The following CACNA1G variants were observed in gnomAD, a reference collection of about 807,000 sequenced individuals.
The protein encoded by CACNA1G is voltage-dependent T-type calcium channel subunit alpha-1G.
In CACNA1G, 67 loss-of-function variants were observed where a neutral mutation model predicts 219.4. The observed-to-expected ratio is 0.31, with a 90% CI of 0.25 to 0.37. The LOEUF (loss-of-function observed/expected upper bound fraction) is 0.37. CACNA1G is among the 10% of genes least tolerant of loss of function. The probability of loss-of-function intolerance (pLI) is 1.00; values close to 1 mark genes in which losing one functional copy is unlikely to be tolerated. For missense variants in CACNA1G, 2,380 were observed against 3,231.4 expected (o/e 0.74, Z 6.39); for synonymous variants, 1,296 against 1,345.3 (o/e 0.96, Z 0.80).
At chr17:50,589,894 T>TTCTCTC (rs35679930) in intron 9 of CACNA1G, among the ~76,000 whole-genome samples, 5 of 138,834 alleles carry the variant, frequency 3.6e-5, no homozygotes, top group African/African-American at 8.5e-5. Context: ...GCGTGCATTT[T>TTCTCTC]TCTCTCTCTC....
chr17:50,606,372 A>G, intron 23 of CACNA1G: 1 of 595,272 alleles, frequency 1.7e-6, no homozygotes, highest in Non-Finnish European at 3.0e-6. Flanking sequence ...TCCTGACCCC[A>G]CCATTGTCAG....
At chr17:50,594,884 T>A in intron 13 of CACNA1G, 109 bp from the exon 14 acceptor site, 1 of 732,954 alleles carries the variant, frequency 1.4e-6, no homozygotes, top group Non-Finnish European at 2.3e-6. Flanking sequence ...TCCCCTGCTG[T>A]GGGGTTTGCG....
intron 24 of CACNA1G, chr17:50,607,341 C>CA: frequency 2.7e-6 from 1 of 371,946 alleles, no homozygotes; most frequent in Non-Finnish European, 5.2e-6. Flanking sequence ...CCCAGCTCTA[C>CA]AAAAAATAAA....
At chr17:50,608,095 G>A in intron 25 of CACNA1G, 76 bp downstream of exon 25, 3 of 1,382,792 alleles carry the variant, frequency 2.2e-6, no homozygotes, top group Non-Finnish European at 2.0e-6. Flanking sequence ...CCTTGCGACT[G>A]CAGGGGGCTG....
rs771453745 is a variant in CACNA1G, at chr17:50,601,081, C to T, written c.3822C>T (p.Thr1274=). Residue 1274 remains threonine, a synonymous_variant, in exon 19 of 38, where the codon ACC becomes ACT. Coordinates refer to ENST00000359106, the MANE Select transcript of CACNA1G (RefSeq NM_018896.5). ...RFRLLCHRII[T]HKMFDHVVLV... ...GCCTCCTGTGTCACCGGATCATCAC[C>T]CACAAGATGTTCGACCACGTGGTCC... 14 of 1,613,800 alleles carry T rather than the reference C, an allele frequency of 8.7e-6. No homozygotes were observed. In the Admixed American group the frequency reaches 1.3e-4, roughly 15 times the overall value.
At chr17:50,620,326 A>G (rs1186257990) in intron 34 of CACNA1G, among the ~76,000 whole-genome samples, 1 of 152,218 alleles carries the variant, frequency 6.6e-6, no homozygotes, top group African/African-American at 2.4e-5. Context: ...CCCACTGGGC[A>G]TGGTGAGTGC....
intron 24 of CACNA1G, 186 bp downstream of exon 24, chr17:50,607,175 T>G: frequency 1.5e-6 from 1 of 663,490 alleles, no homozygotes; most frequent in Non-Finnish European, 2.8e-6. Flanking sequence ...ACAACATGTT[T>G]AACATGTTTT....
In CACNA1G at chr17:50,576,097, A is replaced by G. The variant is rs766934260; in HGVS notation, c.1695A>G (p.Pro565=). 1.7e-5 allele frequency: 27 copies of G among 1,593,028 alleles called. No individual in the cohort carries two copies. In the Admixed American group the frequency reaches 4.2e-4, roughly 25 times the overall value. The change falls in exon 8 of 38, where the codon CCA becomes CCG. Residue 565 remains proline (P), a synonymous_variant. Coordinates refer to ENST00000359106, the MANE Select transcript of CACNA1G (RefSeq NM_018896.5). ...SFYHADCHLE[P]VRCQAPPPRS... ...ACCATGCCGACTGCCACTTAGAGCCAGTCCGCTGCCAGGCGCCCCCTCCCA... is the reference window on the plus strand; with the variant it reads ...ACCATGCCGACTGCCACTTAGAGCCGGTCCGCTGCCAGGCGCCCCCTCCCA...
At chr17:50,591,374 C>T (rs959382072) in intron 10 of CACNA1G, 61 bp from the exon 11 acceptor site, 64 of 1,442,026 alleles carry the variant, frequency 4.4e-5, no homozygotes, top group South Asian at 1.4e-4. Context: ...GAGTCCTCTC[C>T]GAGGGAGTAG....
chr17:50,572,569 C>T lies in CACNA1G; in HGVS notation c.762C>T (p.Asp254=), dbSNP rs1286569833. The T allele has an allele frequency of 6.4e-7, 1 of 1,556,414 alleles. No homozygotes were observed. ...PENFSLPLSV[D]LERYYQTENE... is the part of the protein sequence containing the mutation. The stretch of plus-strand genomic sequence containing the variant: ...CATCCTGCAGCCCCCTGAGCGTGGA[C>T]CTGGAGCGCTATTACCAGACAGAGA... Residue 254 remains aspartate (D), a synonymous_variant, in exon 6 of 38, where the codon GAC becomes GAT. Transcript: ENST00000359106.
chr17:50,623,917 A>G lies in CACNA1G; in HGVS notation c.6071A>G (p.His2024Arg), dbSNP rs1486096479. The G allele has an allele frequency of 3.7e-6, 6 of 1,609,090 alleles. No homozygotes were observed. The highest frequency in any genetic ancestry group is 5.1e-6 in the Non-Finnish European group (6 of 1,176,700). ...LSALESNMQPHPTELPGPDLL... is the reference protein window; with the variant it reads ...LSALESNMQPRPTELPGPDLL... Reference sequence around the variant, plus strand: ...CTGTTCCTTTTGCAGATGCAGCCCCACCCCACGGAGCTGCCAGGACCAGAC... The same window carrying G: ...CTGTTCCTTTTGCAGATGCAGCCCCGCCCCACGGAGCTGCCAGGACCAGAC... Residue 2024 changes from histidine to arginine, a missense_variant, in exon 36 of 38, where the codon CAC (histidine) becomes CGC (arginine). Physicochemically the swap from His to Arg is conservative, Grantham distance 29. Around this residue, in one of 17 missense-constraint regions of CACNA1G, gnomAD observed 672 missense variants for 670.5 expected, o/e 1.00. Coordinates refer to ENST00000359106, the MANE Select transcript of CACNA1G (RefSeq NM_018896.5).
In CACNA1G at chr17:50,591,826, G is replaced by A; in HGVS notation, c.2727G>A (p.Leu909=). The A allele has an allele frequency of 6.2e-7, 1 of 1,613,944 alleles. No homozygotes were observed. The highest frequency in any genetic ancestry group is 8.5e-7 in the Non-Finnish European group (1 of 1,179,864). ...TLPDRKNFDS[L]LWAIVTVFQI... is the part of the protein sequence containing the mutation. ...CAGACCGGAAGAATTTTGACTCCTT[G>A]CTCTGGGCCATCGTCACTGTCTTTC... Residue 909 remains leucine, a synonymous_variant, in exon 12 of 38, where the codon TTG becomes TTA. Transcript: ENST00000359106.
chr17:50,617,319 G>A lies in CACNA1G; in HGVS notation c.5022-119G>A. 1 of 1,134,458 alleles carries A rather than the reference G, an allele frequency of 8.8e-7. No individual in the cohort carries two copies. Among genetic ancestry groups the A allele is most frequent in the Non-Finnish European group, 1.2e-6 (1 of 808,370 alleles). The allele number at this position is 1,134,458 out of a possible 1,614,324, so 70.3% of individuals were successfully genotyped here. ...AGCCACGCCTCTTCTCTGTGGGATGGGAGGCTGGACCCGCTGATGTCTGCC... is the reference window on the plus strand; with the variant it reads ...AGCCACGCCTCTTCTCTGTGGGATGAGAGGCTGGACCCGCTGATGTCTGCC... On this transcript the variant is annotated intron_variant, in intron 28 of 37. Coordinates refer to ENST00000359106, the MANE Select transcript of CACNA1G (RefSeq NM_018896.5). This position sits in a 1 kb window ranked among gnomAD's most constrained non-coding sequence, Gnocchi z 5.8.
chr17:50,591,969 C>G lies in CACNA1G; in HGVS notation c.2787C>G (p.Leu929=), dbSNP rs774910704. 6.2e-7 allele frequency: 1 copy of G among 1,613,888 alleles called. No homozygotes were observed. Among genetic ancestry groups the G allele is most frequent in the African/African-American group, 1.3e-5 (1 of 74,942 alleles). ...CCCAGGAGGACTGGAACAAAGTCCT[C>G]TACAATGGTATGGCCTCCACGTCGT... is the stretch of plus-strand genomic sequence containing the variant. ...ILTQEDWNKV[L]YNGMASTSSW... Residue 929 remains leucine (L), a synonymous_variant, in exon 13 of 38, where the codon CTC becomes CTG. Coordinates refer to ENST00000359106, the MANE Select transcript of CACNA1G (RefSeq NM_018896.5).
intron 1 of CACNA1G, among the ~76,000 whole-genome samples, chr17:50,564,980 T>C (rs963403987): frequency 1.3e-5 from 2 of 152,122 alleles, no homozygotes; most frequent in African/African-American, 4.8e-5. Flanking sequence ...CCATCACCCG[T>C]AGTGCCAGTT....
chr17:50,624,491 G>A lies in CACNA1G; in HGVS notation c.6361G>A (p.Gly2121Arg), dbSNP rs2053154267. The A allele has an allele frequency of 2.5e-6, 4 of 1,600,006 alleles. No homozygotes were observed. Among genetic ancestry groups the A allele is most frequent in the South Asian group, 2.3e-5 (2 of 88,070 alleles). Residue 2121 changes from glycine to arginine, a missense_variant, in exon 37 of 38, where the codon GGA becomes AGA. Transcript: ENST00000359106. ...WGTIPKLPPP[G>R]RSPLAQRPLR... ...CACCATCCCCAAACTGCCCCCACCAGGACGCTCCCCTTTGGCTCAGAGGCC... is the reference window on the plus strand; with the variant it reads ...CACCATCCCCAAACTGCCCCCACCAAGACGCTCCCCTTTGGCTCAGAGGCC...
chr17:50,608,659 C>T (rs2048482107), intron 25 of CACNA1G, among the ~76,000 whole-genome samples: 1 of 152,178 alleles, frequency 6.6e-6, no homozygotes, highest in Non-Finnish European at 1.5e-5. Context: ...CCCTCACCTC[C>T]TCACCTGTGC....
chr17:50,597,070 G>A (rs2045719419), intron 16 of CACNA1G, 147 bp downstream of exon 16: 1 of 807,550 alleles, frequency 1.2e-6, no homozygotes, highest in East Asian at 2.7e-5. Flanking sequence ...AGCCCCTGGG[G>A]AATCTGCGCC....
intron 26 of CACNA1G, among the ~76,000 whole-genome samples, chr17:50,610,346 T>C (rs1361714787): frequency 1.3e-5 from 2 of 152,194 alleles, no homozygotes; most frequent in African/African-American, 4.8e-5. Context: ...GGGGAAGGAT[T>C]TGTTTTAAAA....
Sources: allele counts gnomAD v4.1 joint callset (sites outside exome capture counted in the v4.1 genomes callset), GRCh38; gene constraint gnomAD v4.1.1; regional missense constraint gnomAD v4.1.1; non-coding constraint Gnocchi (gnomAD v3.1); transcripts MANE v1.5; gene names NCBI Gene and HGNC (gene_info 2026-07-23, HGNC 2026-07-21).